CSMD3: variants seen among roughly 807,000 people sequenced by gnomAD.
CSMD3 encodes the protein CUB and Sushi multiple domains 3.
In CSMD3, 177 loss-of-function variants were observed where a neutral mutation model predicts 435.2. That is an observed-to-expected ratio of 0.41 (90% CI 0.36 to 0.46). The LOEUF (loss-of-function observed/expected upper bound fraction) is 0.46, where lower values mean the gene tolerates loss of function less well. Among genes scored for constraint, CSMD3 ranks in the 20% least tolerant of loss-of-function variants. The pLI, the probability that CSMD3 is intolerant of heterozygous loss-of-function variation, is 0.34. For missense variants in CSMD3, 4,265 were observed against 4,504.6 expected, an observed-to-expected ratio of 0.95 and a Z score of 1.52; for synonymous variants, 1,656 against 1,520.5, an observed-to-expected ratio of 1.09 and a Z score of -2.07.
chr8:113,313,043 C>A lies in CSMD3; in HGVS notation c.401+1528G>T, dbSNP rs2093882118. 2.6e-5 allele frequency: 4 copies of A among 152,310 alleles called. No individual in the cohort carries two copies. The South Asian group carries it at 8.3e-4, about 32-fold the overall frequency. 9.4% of individuals were successfully genotyped at this position (152,310 alleles called of 1,614,324 possible). On this transcript the variant is annotated intron_variant, in intron 2 of 70. Coordinates refer to ENST00000297405, the MANE Select transcript of CSMD3 (RefSeq NM_198123.2). ...TCAGGCATTTTTAAGTGTCATCTGA[C>A]TGGAAGCAGTTCGATGTGCTCTAAT...
chr8:112,456,265 A>T (rs1284868569), intron 32 of CSMD3, among the ~76,000 whole-genome samples: 2 of 152,164 alleles, frequency 1.3e-5, no homozygotes, highest in Non-Finnish European at 2.9e-5. Context: ...ATCCACAGAA[A>T]ATTATAGCAG....
At chr8:112,851,991 G>A (rs573899907) in intron 11 of CSMD3, among the ~76,000 whole-genome samples, 2 of 152,124 alleles carry the variant, frequency 1.3e-5, no homozygotes, top group Non-Finnish European at 2.9e-5. Flanking sequence ...TGGTTCAGGG[G>A]TCAACAGAGC....
chr8:112,305,567 G>C (rs770905893), intron 51 of CSMD3, among the ~76,000 whole-genome samples: 1 of 152,074 alleles, frequency 6.6e-6, no homozygotes, highest in Non-Finnish European at 1.5e-5. Flanking sequence ...ACTCTTCTAA[G>C]TGTAAGTAAA....
At chr8:113,122,790 G>T (rs1374998525) in intron 4 of CSMD3, among the ~76,000 whole-genome samples, 1 of 152,082 alleles carries the variant, frequency 6.6e-6, no homozygotes, top group Non-Finnish European at 1.5e-5. Flanking sequence ...CTACAAAATT[G>T]TAAGATAAGT....
intron 13 of CSMD3, among the ~76,000 whole-genome samples, chr8:112,736,864 A>C (rs2077196409): frequency 6.6e-6 from 1 of 151,990 alleles, no homozygotes; most frequent in African/African-American, 2.4e-5. Context: ...CTGGATCTAT[A>C]TCAGCGTATA....
intron 30 of CSMD3, among the ~76,000 whole-genome samples, chr8:112,494,321 TCTTTCTTC>T (rs936837396): frequency 4.8e-4 from 3 of 6,200 alleles, no homozygotes; most frequent in African/African-American, 2.2e-3. Flanking sequence ...CTCTCTCCTT[TCTTTCTTC>T]CTTTCTTTTG....
At chr8:112,958,444 A>G (rs1362491803) in intron 7 of CSMD3, among the ~76,000 whole-genome samples, 2 of 152,120 alleles carry the variant, frequency 1.3e-5, no homozygotes, top group African/African-American at 4.8e-5. Flanking sequence ...TTTAGTTGTA[A>G]GCCCTGGACA....
At chr8:113,066,035 G>C (rs191808935) in intron 5 of CSMD3, among the ~76,000 whole-genome samples, 74 of 147,796 alleles carry the variant, frequency 5.0e-4, no homozygotes, top group Non-Finnish European at 2.8e-4. Context: ...TGCATGCTCT[G>C]CTCAATTTTT....
intron 5 of CSMD3, among the ~76,000 whole-genome samples, chr8:113,023,726 A>G (rs1194934574): frequency 1.3e-5 from 2 of 152,052 alleles, no homozygotes; most frequent in Non-Finnish European, 2.9e-5. Flanking sequence ...GAGGTGCCCA[A>G]TCTCCTTCTC....
intron 27 of CSMD3, among the ~76,000 whole-genome samples, chr8:112,541,583 T>C (rs1826667078): frequency 6.6e-6 from 1 of 151,876 alleles, no homozygotes; most frequent in Non-Finnish European, 1.5e-5. Flanking sequence ...AGACTCATTA[T>C]TAATATGGCC....
At chr8:112,602,786 A>G (rs2131425178) in intron 22 of CSMD3, among the ~76,000 whole-genome samples, 1 of 152,224 alleles carries the variant, frequency 6.6e-6, no homozygotes, top group South Asian at 2.1e-4. Context: ...ATATATTTAT[A>G]GTACTGTATT....
At chr8:112,497,349 TA>T (rs1191444873) in intron 30 of CSMD3, among the ~76,000 whole-genome samples, 1 of 151,876 alleles carries the variant, frequency 6.6e-6, no homozygotes. Flanking sequence ...TAAAAGTAAC[TA>T]AAAGCGTATA....
chr8:112,265,297 A>G (rs1816831302), intron 60 of CSMD3, 114 bp downstream of exon 60: 1 of 573,026 alleles, frequency 1.7e-6, no homozygotes, highest in Non-Finnish European at 2.8e-6. Flanking sequence ...CTAGAAAAAT[A>G]AATGCAACCT....
In CSMD3 at chr8:113,025,049, A is replaced by C. The variant is rs73349975; in HGVS notation, c.918-5870T>G. 3.5e-3 allele frequency among the ~76,000 whole-genome samples: 538 copies of C among 152,166 alleles called. 3 individuals are homozygous for C. Among genetic ancestry groups the C allele is most frequent in the African/African-American group, 0.012 (502 of 41,516 alleles). ...CCAGTTCCCTCCATGTTCCTGAAAA[A>C]TATATTATTTCTTTTTTTTTAAGGC... On this transcript the variant is annotated intron_variant, in intron 5 of 70. Coordinates refer to ENST00000297405, the MANE Select transcript of CSMD3 (RefSeq NM_198123.2).
At chr8:112,308,154 T>A (rs1411593703) in intron 50 of CSMD3, among the ~76,000 whole-genome samples, 1 of 152,128 alleles carries the variant, frequency 6.6e-6, no homozygotes, top group African/African-American at 2.4e-5. Flanking sequence ...TGCTTTCTAA[T>A]TACAGAACCT....
chr8:113,058,581 A>C (rs2088456637), intron 5 of CSMD3, among the ~76,000 whole-genome samples: 1 of 152,014 alleles, frequency 6.6e-6, no homozygotes, highest in Non-Finnish European at 1.5e-5. Flanking sequence ...TTTTTATATT[A>C]GAAACATTCA....
intron 4 of CSMD3, among the ~76,000 whole-genome samples, chr8:113,106,116 T>C (rs1191236840): frequency 6.6e-6 from 1 of 152,096 alleles, no homozygotes; most frequent in Non-Finnish European, 1.5e-5. Context: ...TAATGATTTT[T>C]ATATTTTTAA....
intron 13 of CSMD3, among the ~76,000 whole-genome samples, chr8:112,728,289 A>G (rs1237572957): frequency 6.6e-6 from 1 of 151,944 alleles, no homozygotes; most frequent in Non-Finnish European, 1.5e-5. Flanking sequence ...TAAAGTTCCA[A>G]AACACTGAAC....
chr8:112,322,207 C>G (rs1823062672), intron 45 of CSMD3, among the ~76,000 whole-genome samples: 2 of 151,970 alleles, frequency 1.3e-5, no homozygotes, highest in Non-Finnish European at 2.9e-5. Flanking sequence ...TTATTGTAAA[C>G]AAGAAACACT....
Sources: gnomAD v4.1 joint callset for allele counts (sites outside exome capture counted in the v4.1 genomes callset) on GRCh38, gnomAD v4.1.1 for gene constraint, MANE v1.5 for transcripts, NCBI Gene and HGNC (gene_info 2026-07-23, HGNC 2026-07-21) for gene names.